Variants in ZDHHC14 observed in about 807,000 individuals in gnomAD.
ZDHHC14 encodes the protein zDHHC palmitoyltransferase 14, also known as palmitoyltransferase ZDHHC14.
A neutral mutation model predicts 47.7 loss-of-function variants in ZDHHC14; 16 were observed. The ratio of observed to expected loss-of-function variants is 0.34; its 90% CI spans 0.23 to 0.51. ZDHHC14 has a LOEUF of 0.51. ZDHHC14 is among the 20% of genes least tolerant of loss of function. The pLI is 0.97. For synonymous variants in ZDHHC14, 293 were observed against 278.9 expected (o/e 1.05, Z -0.50); for missense variants, 515 against 662.5 (o/e 0.78, Z 2.44).
At chr6:157,466,858 T>A (rs540722565) in intron 1 of ZDHHC14, among the ~76,000 whole-genome samples, 11 of 151,990 alleles carry the variant, frequency 7.2e-5, no homozygotes, top group East Asian at 3.9e-4. Context: ...ACAAAAAAAA[T>A]TATTATTTTT....
At chr6:157,640,830 A>C (rs1451638473) in intron 5 of ZDHHC14, among the ~76,000 whole-genome samples, 3 of 152,178 alleles carry the variant, frequency 2.0e-5, no homozygotes, top group Non-Finnish European at 4.4e-5. Context: ...AAAATCCCCA[A>C]TGGTCCAGAA....
intron 1 of ZDHHC14, among the ~76,000 whole-genome samples, chr6:157,405,529 G>T (rs1199436411): frequency 1.3e-5 from 2 of 152,028 alleles, no homozygotes; most frequent in Non-Finnish European, 2.9e-5. Context: ...ACCGTGCCTG[G>T]CCGAGCTCAA....
chr6:157,399,432 G>C (rs945852927), intron 1 of ZDHHC14, among the ~76,000 whole-genome samples: 1 of 152,200 alleles, frequency 6.6e-6, no homozygotes, highest in Non-Finnish European at 1.5e-5. Context: ...TCTGTCATCT[G>C]TAGTTGTGTA....
chr6:157,658,136 C>T (rs756311083), intron 8 of ZDHHC14, among the ~76,000 whole-genome samples: 1 of 152,092 alleles, frequency 6.6e-6, no homozygotes, highest in Non-Finnish European at 1.5e-5. Flanking sequence ...CTCAACTGTA[C>T]CCTCTTGGAG....
intron 1 of ZDHHC14, among the ~76,000 whole-genome samples, chr6:157,533,322 G>T (rs1408980800): frequency 2.0e-5 from 3 of 152,124 alleles, no homozygotes; most frequent in Non-Finnish European, 1.5e-5. Context: ...TGTGCCAAGT[G>T]GGGATAAGTG....
intron 1 of ZDHHC14, among the ~76,000 whole-genome samples, chr6:157,510,084 A>C (rs1317116078): frequency 6.6e-6 from 1 of 152,156 alleles, no homozygotes; most frequent in Non-Finnish European, 1.5e-5. Context: ...ATCTCTACTA[A>C]AAATACAAAC....
At chr6:157,430,842 C>T (rs1225408036) in intron 1 of ZDHHC14, among the ~76,000 whole-genome samples, 1 of 152,226 alleles carries the variant, frequency 6.6e-6, no homozygotes, top group Non-Finnish European at 1.5e-5. Context: ...GTGTGGCATA[C>T]AGTAGGGCTG....
chr6:157,662,425 G>C (rs376874798), intron 8 of ZDHHC14, among the ~76,000 whole-genome samples: 1 of 152,148 alleles, frequency 6.6e-6, no homozygotes, highest in Non-Finnish European at 1.5e-5. Context: ...CAAGTAATCC[G>C]CTCGCCCTGG....
At chr6:157,421,482 GACTCC>G (rs1778102669) in intron 1 of ZDHHC14, among the ~76,000 whole-genome samples, 1 of 87,620 alleles carries the variant, frequency 1.1e-5, no homozygotes. Flanking sequence ...TACAGAGCCA[GACTCC>G]GTCTCAAAAA....
chr6:157,402,610 AT>A lies in ZDHHC14; in HGVS notation c.245+20350del, dbSNP rs1247984437. On this transcript the variant is annotated intron_variant, in intron 1 of 8. Coordinates refer to ENST00000359775, the MANE Select transcript of ZDHHC14 (RefSeq NM_024630.3). ...CAACAAAATATCTCTTCAGTGTGAG[AT>A]TTTTTGGACAATTTCTTGTTTTACA... Among the ~76,000 whole-genome samples, 3 of 152,190 alleles carry A rather than the reference AT, an allele frequency of 2.0e-5. No homozygotes were observed. In the East Asian group the frequency reaches 5.8e-4, roughly 29 times the overall value.
intron 1 of ZDHHC14, among the ~76,000 whole-genome samples, chr6:157,417,935 C>T (rs763584202): frequency 6.3e-5 from 9 of 142,458 alleles, no homozygotes; most frequent in Non-Finnish European, 1.2e-4. Flanking sequence ...GCCTGGGCGA[C>T]AGAGCGAGAG....
At chr6:157,672,647 CT>C in intron 8 of ZDHHC14, 76 bp from the exon 9 acceptor site, 2 of 871,760 alleles carry the variant, frequency 2.3e-6, no homozygotes, top group African/African-American at 1.8e-5. Context: ...CGCCCGTGCC[CT>C]GTCCCCATCC....
chr6:157,545,818 C>T (rs1245554225), intron 2 of ZDHHC14, among the ~76,000 whole-genome samples: 2 of 152,126 alleles, frequency 1.3e-5, no homozygotes, highest in South Asian at 2.1e-4. Flanking sequence ...TCTCTAGTTG[C>T]GTGACTTAGG....
intron 6 of ZDHHC14, among the ~76,000 whole-genome samples, chr6:157,646,965 A>C (rs1166043225): frequency 6.6e-6 from 1 of 152,202 alleles, no homozygotes; most frequent in African/African-American, 2.4e-5. Flanking sequence ...TTAGGGCACT[A>C]AATGTGAGTA....
At chr6:157,624,729 TGATAA>T (rs1371851935) in intron 3 of ZDHHC14, among the ~76,000 whole-genome samples, 1 of 152,212 alleles carries the variant, frequency 6.6e-6, no homozygotes, top group Non-Finnish European at 1.5e-5. Context: ...GATGTCCTTT[TGATAA>T]GATGAGAGTG....
intron 8 of ZDHHC14, among the ~76,000 whole-genome samples, chr6:157,658,559 G>A (rs999310507): frequency 3.3e-5 from 5 of 152,034 alleles, no homozygotes; most frequent in Non-Finnish European, 7.4e-5. Context: ...GGGGTGTGCT[G>A]TGGGGCTATG....
At position 157,673,073 on chromosome 6, in the gene ZDHHC14, C is replaced by G. The variant is rs1356613809; in HGVS notation, c.1418C>G (p.Ser473Cys). 7.6e-6 allele frequency: 12 copies of G among 1,572,564 alleles called. No individual in the cohort carries two copies. The highest frequency in any genetic ancestry group is 6.9e-5 in the South Asian group (6 of 86,952). The change falls in exon 9 of 9, where the codon TCC becomes TGC. Residue 473 changes from serine to cysteine, a missense_variant. This residue lies in a region of ZDHHC14 where 221 missense variants were observed against 233.6 expected (regional missense o/e 0.95). Coordinates refer to ENST00000359775, the MANE Select transcript of ZDHHC14 (RefSeq NM_024630.3). The surrounding 1 kb of genome is among the most constrained non-coding windows in gnomAD (Gnocchi z 5.4). ...GTGCTGGGCCTGGCCAGCCAGGACTCCCTGCATGAGGACTCTGTGCGCGGC... is the reference window on the plus strand; with the variant it reads ...GTGCTGGGCCTGGCCAGCCAGGACTGCCTGCATGAGGACTCTGTGCGCGGC... Reference protein sequence around the residue: ...MHVLGLASQDSLHEDSVRGLV... With the variant: ...MHVLGLASQDCLHEDSVRGLV...
At chr6:157,385,450 T>C (rs1777291705) in intron 1 of ZDHHC14, among the ~76,000 whole-genome samples, 1 of 152,232 alleles carries the variant, frequency 6.6e-6, no homozygotes, top group South Asian at 2.1e-4. Flanking sequence ...GTTTCCCCAG[T>C]TACACAAAAG....
At chr6:157,404,084 C>T (rs1777697260) in intron 1 of ZDHHC14, among the ~76,000 whole-genome samples, 1 of 152,228 alleles carries the variant, frequency 6.6e-6, no homozygotes, top group South Asian at 2.1e-4. Context: ...TGCCATATAT[C>T]TTTGGAGTCT....
Sources: allele counts gnomAD v4.1 joint callset (sites outside exome capture counted in the v4.1 genomes callset), GRCh38; gene constraint gnomAD v4.1.1; regional missense constraint gnomAD v4.1.1; non-coding constraint Gnocchi (gnomAD v3.1); transcripts MANE v1.5; gene names NCBI Gene and HGNC (gene_info 2026-07-23, HGNC 2026-07-21).